Variants in RAP1A observed in about 807,000 individuals in gnomAD.
RAP1A encodes ras-related protein Rap-1A.
RAP1A carries 6 observed loss-of-function variants against 26.4 expected under a neutral mutation model. The ratio of observed to expected loss-of-function variants is 0.23; its 90% CI spans 0.12 to 0.45. The LOEUF (loss-of-function observed/expected upper bound fraction) is 0.45. RAP1A is among the 20% of genes least tolerant of loss of function. The pLI, the probability that RAP1A is intolerant of heterozygous loss-of-function variation, is 0.99. For missense variants in RAP1A, 121 were observed against 217.2 expected (o/e 0.56, Z 2.78); for synonymous variants, 73 against 79.4 (o/e 0.92, Z 0.43).
chr1:111,609,810 A>T (rs531741275), intron 1 of RAP1A, among the ~76,000 whole-genome samples: 1 of 152,004 alleles, frequency 6.6e-6, no homozygotes, highest in Non-Finnish European at 1.5e-5. Context: ...TAATTTTTGT[A>T]TTTTTAGTAG....
At position 111,716,245 on chromosome 1, in the gene RAP1A, A is replaced by C. The variant is rs906689748; in HGVS notation, c.*3844A>C. 2.6e-5 allele frequency: 4 copies of C among 152,198 alleles called. No individual in the cohort carries two copies. The highest frequency in any genetic ancestry group is 9.6e-5 in the African/African-American group (4 of 41,462). 9.4% of individuals were successfully genotyped at this position (152,198 alleles called of 1,614,324 possible). A position where few individuals can be genotyped will look rare whatever the true frequency, so the allele number is the denominator to read the frequency against. On this transcript the variant is annotated 3_prime_UTR_variant, in exon 8 of 8. Transcript: ENST00000369709. ...GAGCTCATCTTGCCGAGAGGGAAAT[A>C]AATGTGAGCTTTGAGGCGGTCTAAC...
chr1:111,583,711 C>G (rs1237547432), intron 1 of RAP1A, among the ~76,000 whole-genome samples: 1 of 151,874 alleles, frequency 6.6e-6, no homozygotes, highest in Non-Finnish European at 1.5e-5. Context: ...ATGCAATTTA[C>G]AATCACAAGA....
chr1:111,564,598 C>T (rs1657870026), intron 1 of RAP1A, among the ~76,000 whole-genome samples: 1 of 151,312 alleles, frequency 6.6e-6, no homozygotes. Flanking sequence ...CTGCAAGCTC[C>T]ACCTCCCGGG....
chr1:111,642,414 T>C (rs1355804983), intron 1 of RAP1A, among the ~76,000 whole-genome samples: 1 of 152,170 alleles, frequency 6.6e-6, no homozygotes. Flanking sequence ...GTAGTCTATT[T>C]TCTAACATTT....
chr1:111,616,222 G>C (rs1044536056), upstream of RAP1A, among the ~76,000 whole-genome samples: 1 of 152,202 alleles, frequency 6.6e-6, no homozygotes, highest in African/African-American at 2.4e-5. Flanking sequence ...AGTGCCCATT[G>C]GGTTCTCCCA....
chr1:111,646,994 A>G (rs1660091351), intron 1 of RAP1A, among the ~76,000 whole-genome samples: 1 of 152,176 alleles, frequency 6.6e-6, no homozygotes, highest in African/African-American at 2.4e-5. Context: ...GTAACTGGTC[A>G]TATTTTCCTT....
chr1:111,701,169 C>G (rs1055241008), intron 4 of RAP1A, among the ~76,000 whole-genome samples: 8 of 152,138 alleles, frequency 5.3e-5, no homozygotes, highest in African/African-American at 1.9e-4. Context: ...CTCTTTGTCC[C>G]TTCTCTGGCC....
intron 1 of RAP1A, among the ~76,000 whole-genome samples, chr1:111,626,069 A>G (rs1233675146): frequency 2.6e-5 from 4 of 152,182 alleles, no homozygotes; most frequent in African/African-American, 4.8e-5. Context: ...ATAGTCTAGC[A>G]GTTTATTTTG....
intron 4 of RAP1A, among the ~76,000 whole-genome samples, 183 bp downstream of exon 4, chr1:111,697,680 C>T (rs1238652453): frequency 6.6e-6 from 1 of 152,116 alleles, no homozygotes; most frequent in East Asian, 1.9e-4. Context: ...GCTCACATAT[C>T]ACAAAGTTCA....
At position 111,598,126 on chromosome 1, in the gene RAP1A, T is replaced by C. The variant is rs148991315; in HGVS notation, c.-28+55617T>C. The stretch of plus-strand genomic sequence containing the variant: ...ACAACTTGCTCAAGATTATATAACT[T>C]AGGCTATTTTGAAAATCCCTGTTCT... On this transcript the variant is annotated intron_variant, in intron 1 of 7. Coordinates refer to the RAP1A transcript ENST00000356415. 2.7e-4 allele frequency among the ~76,000 whole-genome samples: 41 copies of C among 152,368 alleles called. No individual in the cohort carries two copies. The East Asian group carries it at 7.3e-3, about 27-fold the overall frequency.
At chr1:111,642,091 AAC>A (rs1000799561) in intron 1 of RAP1A, among the ~76,000 whole-genome samples, 34 of 152,286 alleles carry the variant, frequency 2.2e-4, no homozygotes, top group African/African-American at 7.7e-4. Flanking sequence ...CTAAAAATAC[AAC>A]AGTTAGCCGG....
intron 1 of RAP1A, among the ~76,000 whole-genome samples, chr1:111,613,327 GTAGCTGGGACTA>G (rs1209439026): frequency 6.6e-6 from 1 of 152,018 alleles, no homozygotes; most frequent in Non-Finnish European, 1.5e-5. Flanking sequence ...AGCCTCCCGA[GTAGCTGGGACTA>G]CAGGCGCCCG....
chr1:111,669,958 A>T (rs1417277571), intron 1 of RAP1A, among the ~76,000 whole-genome samples: 1 of 152,214 alleles, frequency 6.6e-6, no homozygotes, highest in African/African-American at 2.4e-5. Flanking sequence ...AAAGGAAAGT[A>T]GAAATCAAAA....
chr1:111,593,353 T>A (rs1034019440), intron 1 of RAP1A, among the ~76,000 whole-genome samples: 2 of 152,240 alleles, frequency 1.3e-5, no homozygotes, highest in Non-Finnish European at 1.5e-5. Context: ...ATTCCCTTTC[T>A]GGTTATATGG....
intron 1 of RAP1A, among the ~76,000 whole-genome samples, chr1:111,629,373 A>G (rs186178781): frequency 3.3e-5 from 5 of 152,328 alleles, no homozygotes; most frequent in Admixed American, 6.5e-5. Context: ...ACTGAATAAT[A>G]TAAAGCAAGT....
chr1:111,597,789 C>T (rs1396886317), intron 1 of RAP1A, among the ~76,000 whole-genome samples: 1 of 152,136 alleles, frequency 6.6e-6, no homozygotes, highest in African/African-American at 2.4e-5. Context: ...CAACACTCAA[C>T]AGGGGAGACA....
At chr1:111,554,711 G>C (rs2101039851) in intron 1 of RAP1A, among the ~76,000 whole-genome samples, 1 of 152,328 alleles carries the variant, frequency 6.6e-6, no homozygotes, top group East Asian at 1.9e-4. Context: ...AACCACATGT[G>C]AGACTTCAAA....
intron 1 of RAP1A, among the ~76,000 whole-genome samples, chr1:111,628,562 A>G (rs1333087754): frequency 6.6e-6 from 1 of 152,250 alleles, no homozygotes; most frequent in Non-Finnish European, 1.5e-5. Flanking sequence ...TGATAAAAGC[A>G]TTCATCGAAA....
rs566895033 is a variant in RAP1A at position 111,569,634 on chromosome 1, A to G, written c.-28+27125A>G. 6.6e-5 allele frequency among the ~76,000 whole-genome samples: 10 copies of G among 151,844 alleles called. No individual in the cohort carries two copies. The East Asian group carries it at 1.9e-3, about 30-fold the overall frequency. ...GGTGACTCCAGGGTTCTAAACTGTT[A>G]TGTTTCTGGGGTTCACTTTTAAGAG... On this transcript the variant is annotated intron_variant, in intron 1 of 7. Coordinates refer to the RAP1A transcript ENST00000356415.
Sources: allele counts gnomAD v4.1 joint callset (sites outside exome capture counted in the v4.1 genomes callset), GRCh38; gene constraint gnomAD v4.1.1; transcripts MANE v1.5; gene names NCBI Gene and HGNC (gene_info 2026-07-23, HGNC 2026-07-21).